Variants in TBC1D1 observed in about 807,000 individuals in gnomAD.
The protein encoded by TBC1D1 is TBC1 domain family member 1.
A neutral mutation model predicts 125.6 loss-of-function variants in TBC1D1; 89 were observed. The observed-to-expected ratio is 0.71, with a 90% CI of 0.60 to 0.85. TBC1D1 has a LOEUF of 0.85. TBC1D1 is among the 40% of genes least tolerant of loss of function. The probability of loss-of-function intolerance (pLI) is 0.00; values close to 1 mark genes in which losing one functional copy is unlikely to be tolerated. For missense variants in TBC1D1, 1,377 were observed against 1,469.2 expected (o/e 0.94, Z 1.03); for synonymous variants, 565 against 564.1 (o/e 1.00, Z -0.02).
chr4:37,928,871 C>T (rs573100327), intron 2 of TBC1D1, among the ~76,000 whole-genome samples: 45 of 152,296 alleles, frequency 3.0e-4, no homozygotes, highest in Non-Finnish European at 7.4e-5. Context: ...ACATTTTAGA[C>T]GAGTAATTCT....
chr4:38,132,510 G>A (rs1342131500), intron 18 of TBC1D1, among the ~76,000 whole-genome samples: 1 of 152,148 alleles, frequency 6.6e-6, no homozygotes, highest in Non-Finnish European at 1.5e-5. Context: ...GCATCGTTTC[G>A]TATTCACTCA....
chr4:37,931,767 C>T (rs1577917151), intron 2 of TBC1D1, among the ~76,000 whole-genome samples: 1 of 152,220 alleles, frequency 6.6e-6, no homozygotes, highest in African/African-American at 2.4e-5. Flanking sequence ...TGAGCCACTG[C>T]GCCCGGCCTT....
At chr4:38,125,671 A>G (rs1303517129) in intron 18 of TBC1D1, among the ~76,000 whole-genome samples, 1 of 152,178 alleles carries the variant, frequency 6.6e-6, no homozygotes, top group African/African-American at 2.4e-5. Flanking sequence ...TTCAGTATAC[A>G]ATAGAACCAT....
Position 38,045,884 on chromosome 4 carries a change from C to T in TBC1D1, c.1610C>T (p.Thr537Ile). The T allele has an allele frequency of 1.2e-6, 2 of 1,612,842 alleles. No individual in the cohort carries two copies. Among genetic ancestry groups the T allele is most frequent in the East Asian group, 2.2e-5 (1 of 44,790 alleles). ...GATCTGGATAGCTCCCTGTCTAGTA[C>T]ATTAAGTAACACCAGCAAAGTAAGC... Residue 537 changes from threonine to isoleucine, a missense_variant, in exon 10 of 20, where the codon ACA becomes ATA. Physicochemically the swap from Thr to Ile is moderately conservative, Grantham distance 89. Around this residue, in one of 3 missense-constraint regions of TBC1D1, gnomAD observed 822 missense variants for 824.6 expected, o/e 1.00. Coordinates refer to ENST00000261439, the MANE Select transcript of TBC1D1 (RefSeq NM_015173.4).
chr4:38,088,112 C>T (rs1578637921), intron 12 of TBC1D1, among the ~76,000 whole-genome samples: 1 of 151,872 alleles, frequency 6.6e-6, no homozygotes, highest in East Asian at 1.9e-4. Context: ...TTAATCACAG[C>T]TGCAGTGTTC....
At chr4:37,901,122 A>G (rs1027739042) in intron 1 of TBC1D1, among the ~76,000 whole-genome samples, 1 of 149,638 alleles carries the variant, frequency 6.7e-6, no homozygotes, top group Non-Finnish European at 1.5e-5. Flanking sequence ...TAGTTAAGGG[A>G]GTTTGGGTTT....
intron 15 of TBC1D1, chr4:38,110,195 T>G (rs956209236): frequency 2.0e-6 from 2 of 985,242 alleles, no homozygotes; most frequent in Admixed American, 1.2e-4. Context: ...GGGCTCTGAA[T>G]AGAGGAAGGC....
At chr4:38,056,307 G>T (rs1177039050) in intron 12 of TBC1D1, among the ~76,000 whole-genome samples, 2 of 152,198 alleles carry the variant, frequency 1.3e-5, no homozygotes, top group East Asian at 3.9e-4. Context: ...CCTCCGAAGA[G>T]CCTCTGCCCC....
At chr4:37,917,657 TAG>T (rs1720020421) in intron 2 of TBC1D1, among the ~76,000 whole-genome samples, 2 of 152,108 alleles carry the variant, frequency 1.3e-5, no homozygotes, top group African/African-American at 4.8e-5. Context: ...CAAGAACCCC[TAG>T]AGAGTTTGGG....
rs1254119499 is a variant in TBC1D1, at chr4:38,115,769, C to A, written c.2617C>A (p.Leu873Ile). The change falls in exon 16 of 20, where the codon CTT becomes ATT. Residue 873 changes from leucine to isoleucine, a missense_variant. Leu to Ile is a conservative substitution (Grantham distance 5). Around this residue, in one of 3 missense-constraint regions of TBC1D1, gnomAD observed 543 missense variants for 613.5 expected, o/e 0.89. Transcript: ENST00000261439. ...CCAGCTTGGAGCAGGACAGCTATCG[C>A]TTTACAACATTTTGAAGGCCTACTC... The A allele has an allele frequency of 6.2e-7, 1 of 1,614,184 alleles. No individual in the cohort carries two copies. The highest frequency in any genetic ancestry group is 1.3e-5 in the African/African-American group (1 of 75,050).
intron 7 of TBC1D1, among the ~76,000 whole-genome samples, chr4:38,030,059 A>G (rs1473003416): frequency 6.6e-6 from 1 of 152,202 alleles, no homozygotes; most frequent in Non-Finnish European, 1.5e-5. Flanking sequence ...ACTTTAAGAA[A>G]CCATCTTTCT....
chr4:38,131,311 G>A (rs998322272), intron 18 of TBC1D1, among the ~76,000 whole-genome samples: 2 of 152,152 alleles, frequency 1.3e-5, no homozygotes, highest in Non-Finnish European at 2.9e-5. Flanking sequence ...AAGTAATAGT[G>A]TACATGACAT....
At chr4:37,925,155 C>G (rs1721806459) in intron 2 of TBC1D1, among the ~76,000 whole-genome samples, 1 of 152,222 alleles carries the variant, frequency 6.6e-6, no homozygotes, top group African/African-American at 2.4e-5. Context: ...CCGAGGCACA[C>G]AGTCACACGT....
At chr4:37,959,429 CT>C (rs1270374877) in intron 2 of TBC1D1, among the ~76,000 whole-genome samples, 4 of 152,074 alleles carry the variant, frequency 2.6e-5, no homozygotes, top group Non-Finnish European at 4.4e-5. Context: ...CCCTCATTGT[CT>C]TCACGTTGAA....
At chr4:38,084,082 C>T (rs1757057968) in intron 12 of TBC1D1, among the ~76,000 whole-genome samples, 1 of 152,172 alleles carries the variant, frequency 6.6e-6, no homozygotes, top group East Asian at 1.9e-4. Context: ...GGACTATAGG[C>T]GCCTGCCATG....
chr4:37,944,118 T>G (rs1726144905), intron 2 of TBC1D1, among the ~76,000 whole-genome samples: 2 of 152,206 alleles, frequency 1.3e-5, no homozygotes, highest in Non-Finnish European at 2.9e-5. Context: ...CTTGTTTGCC[T>G]GGGTATCAGC....
chr4:38,035,800 C>A, intron 8 of TBC1D1, 102 bp downstream of exon 8: 1 of 838,386 alleles, frequency 1.2e-6, no homozygotes. Context: ...CTTTTTTTCT[C>A]CCTATGTTTT....
At chr4:37,952,306 G>T in intron 2 of TBC1D1, 1 of 528,610 alleles carries the variant, frequency 1.9e-6, no homozygotes, top group Non-Finnish European at 3.4e-6. Flanking sequence ...TGTTGACTTG[G>T]GGAAAGGGCT....
At chr4:38,039,281 C>G (rs1578383799) in intron 8 of TBC1D1, among the ~76,000 whole-genome samples, 1 of 151,616 alleles carries the variant, frequency 6.6e-6, no homozygotes, top group Non-Finnish European at 1.5e-5. Flanking sequence ...CCACTCCCAG[C>G]TAATTGTTTA....
Sources: gnomAD v4.1 joint callset for allele counts (sites outside exome capture counted in the v4.1 genomes callset) on GRCh38, gnomAD v4.1.1 for gene constraint, gnomAD v4.1.1 regional missense constraint, MANE v1.5 for transcripts, NCBI Gene and HGNC (gene_info 2026-07-23, HGNC 2026-07-21) for gene names.